GCLC: variants seen among roughly 807,000 people sequenced by gnomAD.
GCLC encodes the protein glutamate-cysteine ligase catalytic subunit.
Under a neutral mutation model 81.5 loss-of-function variants are expected in GCLC, and 30 were observed. The ratio of observed to expected loss-of-function variants is 0.37; its 90% confidence interval spans 0.28 to 0.50. GCLC has a LOEUF of 0.50. GCLC is among the 20% of genes least tolerant of loss of function. GCLC has a pLI of 0.96. For missense variants in GCLC, 556 were observed against 777.4 expected (o/e 0.72, Z 3.39); for synonymous variants, 262 against 273.3 (o/e 0.96, Z 0.41).
intron 3 of GCLC, among the ~76,000 whole-genome samples, chr6:53,519,120 G>A (rs617066): frequency 0.2 from 30,820 of 152,174 alleles, 3,195 homozygotes; most frequent in Non-Finnish European, 0.24. Context: ...GCAAAAAGGG[G>A]ATGCCATCTG....
At chr6:53,544,353 C>T (rs1357916735) in intron 1 of GCLC, 143 bp downstream of exon 1, 5 of 754,834 alleles carry the variant, frequency 6.6e-6, no homozygotes, top group Admixed American at 4.5e-5. Context: ...GGACGATGCT[C>T]CCGGGGCCGG....
Position 53,507,029 on chromosome 6 carries a change from C to CA in GCLC, c.1085-5dup. The CA allele has an allele frequency of 6.6e-7, 1 of 1,514,856 alleles. No individual in the cohort carries two copies. The highest frequency in any genetic ancestry group is 9.2e-7 in the Non-Finnish European group (1 of 1,089,736). The allele number at this position is 1,514,856 out of a possible 1,614,324, so 93.8% of individuals were successfully genotyped here. A position where few individuals can be genotyped will look rare whatever the true frequency, so the allele number is the denominator to read the frequency against. On this transcript the variant is annotated splice_region_variant and splice_polypyrimidine_tract_variant and intron_variant, in intron 9 of 15. Transcript: ENST00000650454. ...TGGGCCAGGAGATGATCAATGCCTG[C>CA]AAAAAGAGATCACATGGGAACTCAC...
chr6:53,509,596 TC>T (rs777454697), intron 6 of GCLC: 1 of 376,124 alleles, frequency 2.7e-6, no homozygotes, highest in Non-Finnish European at 4.9e-6. Context: ...ATCCCTTCAG[TC>T]AGTGAGGGAT....
chr6:53,514,089 A>T, intron 6 of GCLC, 115 bp downstream of exon 6: 1 of 955,956 alleles, frequency 1.0e-6, no homozygotes, highest in Non-Finnish European at 1.7e-6. Flanking sequence ...CATACCAGCT[A>T]CCATTTCAAC....
At chr6:53,521,129 A>G (rs554092938) in intron 2 of GCLC, among the ~76,000 whole-genome samples, 169 bp from the exon 3 acceptor site, 1 of 152,312 alleles carries the variant, frequency 6.6e-6, no homozygotes, top group East Asian at 1.9e-4. Context: ...ATTCAACTAC[A>G]TAAGGGTCAA....
intron 12 of GCLC, 190 bp downstream of exon 12, chr6:53,505,202 C>T: frequency 1.8e-6 from 1 of 562,682 alleles, no homozygotes; most frequent in Non-Finnish European, 3.2e-6. Flanking sequence ...CATCAATCAT[C>T]TTGAATGGAA....
intron 12 of GCLC, among the ~76,000 whole-genome samples, chr6:53,502,853 C>T (rs2127619482): frequency 1.3e-5 from 2 of 152,300 alleles, no homozygotes; most frequent in Middle Eastern, 6.8e-3. Flanking sequence ...TTTTGTGGCA[C>T]TGAAATGTAT....
chr6:53,538,709 T>A lies in GCLC; in HGVS notation c.150+5787A>T, dbSNP rs1763301142. On this transcript the variant is annotated intron_variant, in intron 1 of 15. Coordinates refer to ENST00000650454, the MANE Select transcript of GCLC (RefSeq NM_001498.4). The stretch of plus-strand genomic sequence containing the variant: ...ATAAATCTCATCTCTGTTTTACACA[T>A]AAGAACATGCTCATAAAGATTAAAG... Among the ~76,000 whole-genome samples the A allele has an allele frequency of 2.0e-5, 3 of 152,204 alleles. No homozygotes were observed. In the South Asian group the frequency reaches 6.2e-4, roughly 31 times the overall value.
rs1013984785 is a variant in GCLC at position 53,525,534 on chromosome 6, A to G, written c.151-3007T>C. On this transcript the variant is annotated intron_variant, in intron 1 of 15. Coordinates refer to ENST00000650454, the MANE Select transcript of GCLC (RefSeq NM_001498.4). ...GGATAAGAGGAACAACATACAAAAG[A>G]AAATAATAAAACAGATGCCTTTCTG... 2.6e-5 allele frequency among the ~76,000 whole-genome samples: 4 copies of G among 152,248 alleles called. No individual in the cohort carries two copies. In the South Asian group the frequency reaches 8.3e-4, roughly 31 times the overall value.
At chr6:53,525,230 A>C (rs558803796) in intron 1 of GCLC, among the ~76,000 whole-genome samples, 8 of 152,188 alleles carry the variant, frequency 5.3e-5, no homozygotes, top group Non-Finnish European at 1.2e-4. Flanking sequence ...AGGTTCTTCA[A>C]ACTTTTAGCT....
rs16883912 is a variant in GCLC at position 53,508,973 on chromosome 6, C to T, written c.828+203G>A. ...GGCCACATTCAAACTTCACATTTAA[C>T]AAATCAATGTTGTACTAGCAAGAGT... On this transcript the variant is annotated intron_variant, in intron 7 of 15. Transcript: ENST00000650454. Among the ~76,000 whole-genome samples, 16,948 of 152,148 alleles carry T rather than the reference C, an allele frequency of 0.11. 980 individuals carry two copies. Among genetic ancestry groups the T allele is most frequent in the South Asian group, 0.15 (746 of 4,826 alleles).
At position 53,505,827 on chromosome 6, in the gene GCLC, C is replaced by T. The variant is rs1235457824; in HGVS notation, c.1266G>A (p.Trp422Ter). ...KPPPPNSDIGWRVEFRPMEVQ... is the reference protein window; with the variant it reads ...KPPPPNSDIG ...CCTCCATGGGTCGAAATTCTACTCT[C>T]CATCCAATGTCTGAGTTTGGAGGAG... The change falls in exon 11 of 16, where the codon TGG (tryptophan) becomes TGA (stop). Residue 422 changes from tryptophan to a stop codon, truncating the protein, a stop_gained. Coordinates refer to ENST00000650454, the MANE Select transcript of GCLC (RefSeq NM_001498.4). LOFTEE classifies it high-confidence loss of function. The T allele has an allele frequency of 6.2e-7, 1 of 1,607,988 alleles. No homozygotes were observed. Among genetic ancestry groups the T allele is most frequent in the Non-Finnish European group, 8.5e-7 (1 of 1,174,502 alleles).
At chr6:53,505,313 T>C (rs1389533425) in intron 12 of GCLC, 79 bp downstream of exon 12, 1 of 732,032 alleles carries the variant, frequency 1.4e-6, no homozygotes, top group Non-Finnish European at 2.5e-6. Context: ...TGAAATTAGG[T>C]GGGAAATAAA....
intron 1 of GCLC, among the ~76,000 whole-genome samples, chr6:53,543,250 T>C (rs114704032): frequency 0.011 from 1,650 of 152,290 alleles, 16 homozygotes; most frequent in Middle Eastern, 0.024. Flanking sequence ...ATATACAAAA[T>C]GGCAGATGCT....
At chr6:53,510,398 A>G (rs913214436) in intron 6 of GCLC, 17 of 151,986 alleles carry the variant, frequency 1.1e-4, no homozygotes, top group African/African-American at 4.1e-4. Flanking sequence ...TAGGCAGAGA[A>G]AAGATCATAT....
chr6:53,544,364 G>A (rs17879468), intron 1 of GCLC, 132 bp downstream of exon 1: 1 of 852,424 alleles, frequency 1.2e-6, no homozygotes, highest in South Asian at 1.5e-5. Flanking sequence ...CCGGGGCCGG[G>A]AGGCGCTCGA....
Position 53,498,833 on chromosome 6 carries a change from A to G in GCLC, c.1837T>C (p.Cys613Arg), listed in dbSNP as rs1764435849. ...LKCNQIANEL[C>R]ECPELLGSAF... is the part of the protein sequence containing the mutation. ...GATCCAAGTAACTCTGGGCATTCAC[A>G]TAATTCATTTGCAATTTGGTTACAC... Residue 613 changes from cysteine (C) to arginine (R), a missense_variant, in exon 16 of 16, where the codon TGT becomes CGT. Coordinates refer to ENST00000650454, the MANE Select transcript of GCLC (RefSeq NM_001498.4). 1.2e-6 allele frequency: 2 copies of G among 1,613,502 alleles called. No homozygotes were observed. Among genetic ancestry groups the G allele is most frequent in the Admixed American group, 3.3e-5 (2 of 60,000 alleles).
At chr6:53,516,740 C>T (rs551271096) in intron 3 of GCLC, among the ~76,000 whole-genome samples, 3 of 152,292 alleles carry the variant, frequency 2.0e-5, no homozygotes, top group African/African-American at 7.2e-5. Context: ...TCATGAGTCC[C>T]TCAAGATTAG....
intron 12 of GCLC, among the ~76,000 whole-genome samples, chr6:53,504,599 G>A (rs1450911385): frequency 6.6e-6 from 1 of 152,202 alleles, no homozygotes; most frequent in Non-Finnish European, 1.5e-5. Context: ...GTCTGGGTGT[G>A]AGGAGCAGGC....
Sources: gnomAD v4.1 joint callset for allele counts (sites outside exome capture counted in the v4.1 genomes callset) on GRCh38, gnomAD v4.1.1 for gene constraint, MANE v1.5 for transcripts, NCBI Gene and HGNC (gene_info 2026-07-23, HGNC 2026-07-21) for gene names.